Variants in MRM3 observed in about 807,000 individuals in gnomAD.
The protein encoded by MRM3 is rRNA methyltransferase 3, mitochondrial.
Under a neutral mutation model 29.4 loss-of-function variants are expected in MRM3, and 26 were observed. The ratio of observed to expected loss-of-function variants is 0.89; its 90% CI spans 0.65 to 1.23. The LOEUF (loss-of-function observed/expected upper bound fraction) is 1.23, where lower values mean the gene tolerates loss of function less well. Ranked by LOEUF, MRM3 falls within the 50% of genes most tolerant of loss-of-function variation. The probability of loss-of-function intolerance (pLI) is 0.00; values close to 1 mark genes in which losing one functional copy is unlikely to be tolerated. For missense variants in MRM3, 578 were observed against 540.2 expected, an observed-to-expected ratio of 1.07 and a Z score of -0.69; for synonymous variants, 225 against 219.0, an observed-to-expected ratio of 1.03 and a Z score of -0.24.
At chr17:784,850 CTG>C (rs772270812) in intron 2 of MRM3, among the ~76,000 whole-genome samples, 1 of 152,186 alleles carries the variant, frequency 6.6e-6, no homozygotes, top group Non-Finnish European at 1.5e-5. Flanking sequence ...TTTTGGCCAT[CTG>C]TGACTCCGAA....
chr17:786,068 T>C (rs923238569), intron 2 of MRM3, among the ~76,000 whole-genome samples: 1 of 152,176 alleles, frequency 6.6e-6, no homozygotes, highest in African/African-American at 2.4e-5. Context: ...AGACCCGCTT[T>C]TAAGAAGGGT....
chr17:790,238 A>G (rs1174084930), intron 3 of MRM3: 1 of 152,562 alleles, frequency 6.6e-6, no homozygotes, highest in East Asian at 1.9e-4. Flanking sequence ...GCCCCTGGGA[A>G]AGGCCAGGCG....
chr17:786,434 C>T lies in MRM3; in HGVS notation c.560-1531C>T, dbSNP rs141592693. Among the ~76,000 whole-genome samples the T allele has an allele frequency of 4.4e-3, 676 of 152,238 alleles. 3 individuals carry two copies. The highest frequency in any genetic ancestry group is 0.015 in the African/African-American group (608 of 41,550). On this transcript the variant is annotated intron_variant, in intron 2 of 3. Transcript: ENST00000304478. ...GACTACAGGCGCCCGTCACCACGCC[C>T]GGCTAATTTTTTTGTTATTTTTAGT...
rs1390539661 is a variant in MRM3 at position 788,104 on chromosome 17, A to G, written c.699A>G (p.Ala233=). The change falls in exon 3 of 4, where the codon GCA becomes GCG. Residue 233 remains alanine (A), a synonymous_variant. Transcript: ENST00000304478. ...CAATTCTGAGATCTGCAGCTGGGGCAGGCTGCAGCAAAGTGTTACTCACCA... is the reference window on the plus strand; with the variant it reads ...CAATTCTGAGATCTGCAGCTGGGGCGGGCTGCAGCAAAGTGTTACTCACCA... ...LGTILRSAAG[A]GCSKVLLTKG... 1.9e-6 allele frequency: 3 copies of G among 1,614,056 alleles called. No individual in the cohort carries two copies. Among genetic ancestry groups the G allele is most frequent in the Non-Finnish European group, 1.7e-6 (2 of 1,180,036 alleles).
chr17:784,431 T>C (rs1191715938), intron 2 of MRM3, among the ~76,000 whole-genome samples: 1 of 152,182 alleles, frequency 6.6e-6, no homozygotes, highest in Non-Finnish European at 1.5e-5. Flanking sequence ...GTGAAAGTGT[T>C]ATTCATTTTT....
At chr17:784,603 T>C (rs11655529) in intron 2 of MRM3, among the ~76,000 whole-genome samples, 2,177 of 152,282 alleles carry the variant, frequency 0.014, 33 homozygotes, top group East Asian at 0.058. Context: ...ATCTTGAACT[T>C]CATCATCATA....
chr17:791,459 T>A (rs1910813935), intron 3 of MRM3, 75 bp from the exon 4 acceptor site: 3 of 1,458,226 alleles, frequency 2.1e-6, no homozygotes, highest in Non-Finnish European at 2.8e-6. Context: ...GATCCAAAAT[T>A]GATCAGACTT....
chr17:788,272 A>C, intron 3 of MRM3, 140 bp downstream of exon 3: 1 of 790,404 alleles, frequency 1.3e-6, no homozygotes, highest in Non-Finnish European at 2.0e-6. Flanking sequence ...TACAAAAAAA[A>C]CTACAATTAG....
Position 791,779 on chromosome 17 carries a change from G to A in MRM3, c.973G>A (p.Val325Ile). 3 of 1,614,214 alleles carry A rather than the reference G, an allele frequency of 1.9e-6. No individual in the cohort carries two copies. Among genetic ancestry groups the A allele is most frequent in the Non-Finnish European group, 2.5e-6 (3 of 1,180,046 alleles). The change falls in exon 4 of 4, where the codon GTA becomes ATA. Residue 325 changes from valine (V) to isoleucine (I), a missense_variant. Physicochemically the swap from Val to Ile is conservative, Grantham distance 29. Transcript: ENST00000304478. ...KFHKYEEEED[V>I]ETGASQDWLP... ...TCACAAGTATGAGGAAGAGGAAGAT[G>A]TAGAAACCGGAGCCAGTCAAGATTG...
chr17:786,481 TAGCC>T (rs1213060971), intron 2 of MRM3, among the ~76,000 whole-genome samples: 4 of 152,242 alleles, frequency 2.6e-5, no homozygotes, highest in East Asian at 3.9e-4. Context: ...TTCACCGTAT[TAGCC>T]AGGATGATCT....
At chr17:782,793 C>T in intron 1 of MRM3, 101 bp downstream of exon 1, 1 of 1,288,102 alleles carries the variant, frequency 7.8e-7, no homozygotes, top group South Asian at 1.5e-5. Context: ...CAGTACAGCC[C>T]GCTGGTTTTT....
chr17:782,503 T>G lies in MRM3; in HGVS notation c.125T>G (p.Phe42Cys), dbSNP rs1440358545. The G allele has an allele frequency of 6.2e-7, 1 of 1,613,498 alleles. No individual in the cohort carries two copies. Among genetic ancestry groups the G allele is most frequent in the Admixed American group, 1.7e-5 (1 of 60,022 alleles). ...ALRRSPVKVV[F>C]PSGEVVEQKR... Reference sequence around the variant, plus strand: ...CGGCGGAGCCCAGTGAAAGTGGTGTTTCCTTCCGGAGAGGTGGTGGAACAG... The same window carrying G: ...CGGCGGAGCCCAGTGAAAGTGGTGTGTCCTTCCGGAGAGGTGGTGGAACAG... Residue 42 changes from phenylalanine (F) to cysteine (C), a missense_variant, in exon 1 of 4, where the codon TTT becomes TGT. Coordinates refer to ENST00000304478, the MANE Select transcript of MRM3 (RefSeq NM_018146.4).
rs1411522661 is a variant in MRM3, at chr17:788,103, C to A, written c.698C>A (p.Ala233Glu). 3.1e-6 allele frequency: 5 copies of A among 1,614,030 alleles called. No individual in the cohort carries two copies. Among genetic ancestry groups the A allele is most frequent in the Non-Finnish European group, 4.2e-6 (5 of 1,180,032 alleles). The change falls in exon 3 of 4, where the codon GCA (alanine) becomes GAA (glutamate). Residue 233 changes from alanine (A) to glutamate (E), a missense_variant. Ala to Glu is a moderately radical substitution (Grantham distance 107, BLOSUM62 -1). Coordinates refer to ENST00000304478, the MANE Select transcript of MRM3 (RefSeq NM_018146.4). Reference protein sequence around the residue: ...LGTILRSAAGAGCSKVLLTKG... With the variant: ...LGTILRSAAGEGCSKVLLTKG... ...ACAATTCTGAGATCTGCAGCTGGGG[C>A]AGGCTGCAGCAAAGTGTTACTCACC... is the stretch of plus-strand genomic sequence containing the variant.
chr17:783,595 C>A lies in MRM3; in HGVS notation c.559+268C>A, dbSNP rs1910360223. 9.7e-6 allele frequency: 3 copies of A among 310,296 alleles called. No individual in the cohort carries two copies. In the South Asian group the frequency reaches 1.0e-4, roughly 11 times the overall value. The allele number at this position is 310,296 out of a possible 1,614,324, so 19.2% of individuals were successfully genotyped here. On this transcript the variant is annotated intron_variant, in intron 2 of 3. Transcript: ENST00000304478. Reference sequence around the variant, plus strand: ...CAGGTGATCCTCCTGCCTCGGCCTCCCAAAGTGCTGGGATTACAGGCGTGA... The same window carrying A: ...CAGGTGATCCTCCTGCCTCGGCCTCACAAAGTGCTGGGATTACAGGCGTGA...
chr17:783,333 T>G lies in MRM3; in HGVS notation c.559+6T>G. ...AACGCCACAAGGAATAATGGGTTAGTGATTACCCAGTGTATCTTTTTTTTT... is the reference window on the plus strand; with the variant it reads ...AACGCCACAAGGAATAATGGGTTAGGGATTACCCAGTGTATCTTTTTTTTT... On this transcript the variant is annotated splice_donor_region_variant and intron_variant, in intron 2 of 3. Coordinates refer to ENST00000304478, the MANE Select transcript of MRM3 (RefSeq NM_018146.4). 9 of 1,585,230 alleles carry G rather than the reference T, an allele frequency of 5.7e-6. No homozygotes were observed. Among genetic ancestry groups the G allele is most frequent in the Non-Finnish European group, 7.7e-6 (9 of 1,168,512 alleles).
At position 783,205 on chromosome 17, in the gene MRM3, T is replaced by C. The variant is rs761946434; in HGVS notation, c.437T>C (p.Phe146Ser). Reference protein sequence around the residue: ...KAGAVPKMFFFSRLEYLKELP... With the variant: ...KAGAVPKMFFSSRLEYLKELP... Reference sequence around the variant, plus strand: ...GGAGCTGTGCCAAAAATGTTCTTCTTTAGCCGTCTAGAATACCTAAAGGAG... The same window carrying C: ...GGAGCTGTGCCAAAAATGTTCTTCTCTAGCCGTCTAGAATACCTAAAGGAG... The change falls in exon 2 of 4, where the codon TTT becomes TCT. Residue 146 changes from phenylalanine (F) to serine (S), a missense_variant. Coordinates refer to ENST00000304478, the MANE Select transcript of MRM3 (RefSeq NM_018146.4). 6.2e-7 allele frequency: 1 copy of C among 1,614,162 alleles called. No individual in the cohort carries two copies. The highest frequency in any genetic ancestry group is 1.3e-5 in the African/African-American group (1 of 75,016).
rs371622263 is a variant in MRM3 at position 791,641 on chromosome 17, C to T, written c.835C>T (p.Pro279Ser). Residue 279 changes from proline to serine, a missense_variant, in exon 4 of 4, where the codon CCC (proline) becomes TCC (serine). Coordinates refer to ENST00000304478, the MANE Select transcript of MRM3 (RefSeq NM_018146.4). ...ATGGGAAACCGTGCCCAATTACCTG[C>T]CCCCTGACACTCGGGTCTATGTGGC... The part of the protein sequence containing the change: ...LEWETVPNYL[P>S]PDTRVYVADN... 7 of 1,614,200 alleles carry T rather than the reference C, an allele frequency of 4.3e-6. No homozygotes were observed. Among genetic ancestry groups the T allele is most frequent in the Non-Finnish European group, 5.9e-6 (7 of 1,180,036 alleles).
At position 792,313 on chromosome 17, in the gene MRM3, T is replaced by A. The variant is rs1346845578; in HGVS notation, c.*244T>A. 4 of 434,120 alleles carry A rather than the reference T, an allele frequency of 9.2e-6. No homozygotes were observed. Among genetic ancestry groups the A allele is most frequent in the African/African-American group, 2.0e-5 (1 of 50,022 alleles). 26.9% of individuals were successfully genotyped at this position (434,120 alleles called of 1,614,324 possible). On this transcript the variant is annotated 3_prime_UTR_variant, in exon 4 of 4. Coordinates refer to ENST00000304478, the MANE Select transcript of MRM3 (RefSeq NM_018146.4). ...ACAATAGGTGACCCACGTGGCTCTG[T>A]GTGTTTTTAAAAATTGTCCACCAAG...
chr17:786,600 G>A (rs1051842463), intron 2 of MRM3, among the ~76,000 whole-genome samples: 1 of 151,390 alleles, frequency 6.6e-6, no homozygotes, highest in African/African-American at 2.4e-5. Flanking sequence ...TATTAGAGAC[G>A]GGGTTTCACC....
Sources: allele counts gnomAD v4.1 joint callset (sites outside exome capture counted in the v4.1 genomes callset), GRCh38; gene constraint gnomAD v4.1.1; transcripts MANE v1.5; gene names NCBI Gene and HGNC (gene_info 2026-07-23, HGNC 2026-07-21).